The following PFKFB3 variants were observed in gnomAD, a reference collection of about 807,000 sequenced individuals.
The protein encoded by PFKFB3 is 6-phosphofructo-2-kinase/fructose-2,6-bisphosphatase 3.
A neutral mutation model predicts 68.0 loss-of-function variants in PFKFB3; 33 were observed. That is an observed-to-expected ratio of 0.49 (90% CI 0.37 to 0.65). The LOEUF (loss-of-function observed/expected upper bound fraction) is 0.65. Among genes scored for constraint, PFKFB3 ranks in the 30% least tolerant of loss-of-function variants. PFKFB3 has a pLI of 0.00. For synonymous variants in PFKFB3, 315 were observed against 288.2 expected, an observed-to-expected ratio of 1.09 and a Z score of -0.94; for missense variants, 586 against 712.2, an observed-to-expected ratio of 0.82 and a Z score of 2.02.
At chr10:6,225,373 C>A in intron 13 of PFKFB3, 1 of 372,892 alleles carries the variant, frequency 2.7e-6, no homozygotes, top group South Asian at 2.0e-5. Flanking sequence ...GTCCCTTGGC[C>A]GCCTTGGTCC....
At chr10:6,289,626 A>G in the PFKFB3 span, among the ~76,000 whole-genome samples, 1 of 151,900 alleles carries the variant, frequency 6.6e-6, no homozygotes, top group Non-Finnish European at 1.5e-5. Context: ...TATAGTTTGA[A>G]GTCAGGTAGC....
the PFKFB3 span, among the ~76,000 whole-genome samples, chr10:6,266,744 T>C: frequency 1.3e-5 from 2 of 152,234 alleles, no homozygotes; most frequent in African/African-American, 2.4e-5. Context: ...AAGTAAAATG[T>C]AGGACTCCGT....
At chr10:6,169,934 T>C (rs1237477829) in intron 1 of PFKFB3, among the ~76,000 whole-genome samples, 1 of 152,216 alleles carries the variant, frequency 6.6e-6, no homozygotes, top group Non-Finnish European at 1.5e-5. Context: ...GATTGAAACA[T>C]TGGGAGTGCA....
At position 6,203,217 on chromosome 10, in the gene PFKFB3, G is replaced by A. The variant is rs1430672012; in HGVS notation, c.-44G>A. On this transcript the variant is annotated 5_prime_UTR_variant, in exon 1 of 15. Coordinates refer to ENST00000379775, the MANE Select transcript of PFKFB3 (RefSeq NM_004566.4). ...GGCGGCCGCTCTCCTGCCAGCGTCG[G>A]GATCTCGGCCCCGGGAGGCGGGCCG... The A allele has an allele frequency of 2.5e-6, 4 of 1,597,044 alleles. No individual in the cohort carries two copies. Among genetic ancestry groups the A allele is most frequent in the Non-Finnish European group, 3.4e-6 (4 of 1,172,958 alleles).
chr10:6,306,743 G>C, the PFKFB3 span, among the ~76,000 whole-genome samples: 1 of 152,186 alleles, frequency 6.6e-6, no homozygotes, highest in Non-Finnish European at 1.5e-5. Flanking sequence ...CTGCAAAGGA[G>C]AGCAGGTCTC....
At chr10:6,250,427 C>T (rs893395121) in intron 14 of PFKFB3, among the ~76,000 whole-genome samples, 6 of 151,988 alleles carry the variant, frequency 3.9e-5, no homozygotes, top group East Asian at 1.9e-4. Context: ...AAAAATTAGC[C>T]GGGCATGGTG....
chr10:6,192,366 CTTTTTTT>C lies in PFKFB3; in HGVS notation c.17-21245_17-21239del, dbSNP rs149846128. Among the ~76,000 whole-genome samples, 54 of 113,064 alleles carry C rather than the reference CTTTTTTT, an allele frequency of 4.8e-4. No homozygotes were observed. The Middle Eastern group carries it at 0.013, about 28-fold the overall frequency. The allele number at this position is 113,064 out of a possible 152,430, so 74.2% of individuals were successfully genotyped here. A position where few individuals can be genotyped will look rare whatever the true frequency, so the allele number is the denominator to read the frequency against. On this transcript the variant is annotated intron_variant, in intron 1 of 14. Transcript: ENST00000379789. ...CCTGCCCGTTTTTTTTTTCTTTCTT[CTTTTTTT>C]TTTTTTTTTTTGGCTTGATTTGGCT...
chr10:6,319,853 TAAAC>T, the PFKFB3 span, among the ~76,000 whole-genome samples: 4 of 152,170 alleles, frequency 2.6e-5, no homozygotes, highest in Admixed American at 6.5e-5. Context: ...CTTCAAGAAA[TAAAC>T]AACAAAACAT....
the PFKFB3 span, among the ~76,000 whole-genome samples, chr10:6,302,343 C>T: frequency 7.1e-6 from 1 of 140,438 alleles, no homozygotes; most frequent in Non-Finnish European, 1.5e-5. Flanking sequence ...ATATAAGCCA[C>T]TGCCACCGTG....
the PFKFB3 span, among the ~76,000 whole-genome samples, chr10:6,320,275 A>G: frequency 6.6e-6 from 1 of 152,186 alleles, no homozygotes; most frequent in Admixed American, 6.5e-5. Flanking sequence ...AATGAGGAAT[A>G]TGAAGCTGTA....
chr10:6,175,493 G>A (rs1480029610), intron 1 of PFKFB3, among the ~76,000 whole-genome samples: 1 of 152,216 alleles, frequency 6.6e-6, no homozygotes. Flanking sequence ...CTGGGGCACC[G>A]CAGGCGCCAA....
At chr10:6,153,966 C>T (rs79836731) in intron 1 of PFKFB3, among the ~76,000 whole-genome samples, 5,310 of 152,146 alleles carry the variant, frequency 0.035, 285 homozygotes, top group African/African-American at 0.12. Context: ...AGTGAGACAG[C>T]CTGAGGGGAG....
At chr10:6,324,783 A>G in the PFKFB3 span, among the ~76,000 whole-genome samples, 2 of 152,136 alleles carry the variant, frequency 1.3e-5, no homozygotes, top group East Asian at 3.9e-4. Flanking sequence ...GTTAAATGCC[A>G]AATTTTATGT....
intron 1 of PFKFB3, among the ~76,000 whole-genome samples, chr10:6,208,371 C>CTTTTTGTTTTTTTTTT (rs1843932824): frequency 1.6e-5 from 1 of 60,624 alleles, no homozygotes; most frequent in Non-Finnish European, 2.9e-5. Flanking sequence ...GGTACCTGGC[C>CTTTTTGTTTTTTTTTT]TTTTTTTTTT....
At chr10:6,200,537 C>T (rs1843302665), upstream of PFKFB3, among the ~76,000 whole-genome samples, 2 of 151,766 alleles carry the variant, frequency 1.3e-5, no homozygotes, top group Admixed American at 1.3e-4. Flanking sequence ...GAGGGCTCTA[C>T]CCTAACTTAC....
the PFKFB3 span, among the ~76,000 whole-genome samples, chr10:6,296,090 C>T: frequency 6.6e-6 from 1 of 152,270 alleles, no homozygotes; most frequent in Admixed American, 6.5e-5. Flanking sequence ...GCTCTGTGAC[C>T]TCAATTCTCT....
chr10:6,290,174 C>T, the PFKFB3 span, among the ~76,000 whole-genome samples: 4,417 of 150,926 alleles, frequency 0.029, 187 homozygotes, highest in African/African-American at 0.1. Flanking sequence ...ACTTCCTCTT[C>T]TCCTAATTGA....
At chr10:6,313,280 A>C in the PFKFB3 span, among the ~76,000 whole-genome samples, 1 of 152,356 alleles carries the variant, frequency 6.6e-6, no homozygotes. This position sits in a 1 kb window ranked among gnomAD's most constrained non-coding sequence, Gnocchi z 4.2. Flanking sequence ...TGAGACACAC[A>C]AAGTTTGATA....
At chr10:6,321,690 C>T in the PFKFB3 span, among the ~76,000 whole-genome samples, 9,247 of 152,250 alleles carry the variant, frequency 0.061, 907 homozygotes, top group African/African-American at 0.21. Flanking sequence ...CCTGGTTGAA[C>T]CCAATGATCT....
Sources: allele counts gnomAD v4.1 joint callset (sites outside exome capture counted in the v4.1 genomes callset), GRCh38; gene constraint gnomAD v4.1.1; non-coding constraint Gnocchi (gnomAD v3.1); transcripts MANE v1.5; gene names NCBI Gene and HGNC (gene_info 2026-07-23, HGNC 2026-07-21).